Variants in NEDD4L observed in about 807,000 individuals in gnomAD.
NEDD4L encodes E3 ubiquitin-protein ligase NEDD4-like.
A neutral mutation model predicts 148.9 loss-of-function variants in NEDD4L; 54 were observed. That is an observed-to-expected ratio of 0.36 (90% confidence interval 0.29 to 0.45). The LOEUF is 0.45. NEDD4L is among the 20% of genes least tolerant of loss of function. The pLI, the probability that NEDD4L is intolerant of heterozygous loss-of-function variation, is 1.00. For missense variants in NEDD4L, 856 were observed against 1,233.8 expected, an observed-to-expected ratio of 0.69 and a Z score of 4.59; for synonymous variants, 433 against 440.7, an observed-to-expected ratio of 0.98 and a Z score of 0.22.
At chr18:58,240,303 G>A (rs1290010187) in intron 2 of NEDD4L, among the ~76,000 whole-genome samples, 2 of 152,136 alleles carry the variant, frequency 1.3e-5, no homozygotes, top group Non-Finnish European at 2.9e-5. Context: ...AGGAACCTGA[G>A]ATCCTTCAGG....
chr18:58,167,859 T>C (rs770875668), intron 2 of NEDD4L, among the ~76,000 whole-genome samples: 3 of 152,128 alleles, frequency 2.0e-5, no homozygotes, highest in Non-Finnish European at 4.4e-5. Flanking sequence ...ATTTAGAAAA[T>C]TTTGGTGATT....
At chr18:58,324,507 T>C (rs1261427272) in intron 8 of NEDD4L, among the ~76,000 whole-genome samples, 1 of 152,182 alleles carries the variant, frequency 6.6e-6, no homozygotes, top group Non-Finnish European at 1.5e-5. Flanking sequence ...GGGCCTCTGG[T>C]CCCCTGTGCC....
intron 18 of NEDD4L, among the ~76,000 whole-genome samples, chr18:58,356,849 T>C (rs1471781427): frequency 6.6e-6 from 1 of 152,216 alleles, no homozygotes; most frequent in Non-Finnish European, 1.5e-5. Context: ...AAATGCTTTT[T>C]TTCAACTAAA....
At chr18:58,205,864 GTA>G (rs1419121153) in intron 2 of NEDD4L, among the ~76,000 whole-genome samples, 1 of 151,968 alleles carries the variant, frequency 6.6e-6, no homozygotes, top group African/African-American at 2.4e-5. Context: ...TGGGTTGTCT[GTA>G]TATGTTCTGA....
intron 2 of NEDD4L, among the ~76,000 whole-genome samples, chr18:58,181,649 C>A (rs1275042760): frequency 6.6e-6 from 1 of 152,086 alleles, no homozygotes; most frequent in African/African-American, 2.4e-5. Context: ...ATTGCCCAGG[C>A]TGGTCTTGAA....
chr18:58,184,879 G>A (rs1410884841), intron 2 of NEDD4L, among the ~76,000 whole-genome samples: 1 of 151,758 alleles, frequency 6.6e-6, no homozygotes, highest in Non-Finnish European at 1.5e-5. Flanking sequence ...AGGGAGCCGA[G>A]ATGGCACCAC....
At chr18:58,315,274 A>C (rs977880762) in intron 5 of NEDD4L, among the ~76,000 whole-genome samples, 1 of 152,138 alleles carries the variant, frequency 6.6e-6, no homozygotes, top group South Asian at 2.1e-4. Context: ...GAGCTGAATC[A>C]TGACTTCCCA....
intron 1 of NEDD4L, among the ~76,000 whole-genome samples, chr18:58,098,450 T>C (rs1482247185): frequency 6.6e-6 from 1 of 152,192 alleles, no homozygotes; most frequent in African/African-American, 2.4e-5. Flanking sequence ...TGGAGCGCCA[T>C]GATACAGTGG....
chr18:58,096,830 C>T (rs1221923079), intron 1 of NEDD4L, among the ~76,000 whole-genome samples: 2 of 152,200 alleles, frequency 1.3e-5, no homozygotes, highest in Non-Finnish European at 2.9e-5. Context: ...TCCATCTGTC[C>T]TGAAGGCCCA....
intron 5 of NEDD4L, among the ~76,000 whole-genome samples, chr18:58,279,363 T>C (rs1021555853): frequency 2.0e-5 from 3 of 152,150 alleles, no homozygotes; most frequent in Non-Finnish European, 4.4e-5. Context: ...ATAAAAGCTA[T>C]GGATTCTCAG....
chr18:58,233,292 T>C (rs1467909556), intron 2 of NEDD4L, among the ~76,000 whole-genome samples: 1 of 152,208 alleles, frequency 6.6e-6, no homozygotes, highest in African/African-American at 2.4e-5. Flanking sequence ...GGTAAAGACA[T>C]ACCCAAGACT....
At chr18:58,213,475 T>C (rs904497432) in intron 2 of NEDD4L, among the ~76,000 whole-genome samples, 1 of 152,180 alleles carries the variant, frequency 6.6e-6, no homozygotes, top group African/African-American at 2.4e-5. Context: ...ATGTATAATA[T>C]CCAGTTCTAA....
chr18:58,206,372 T>C (rs2041989096), intron 2 of NEDD4L, among the ~76,000 whole-genome samples: 1 of 151,974 alleles, frequency 6.6e-6, no homozygotes, highest in Admixed American at 6.6e-5. Flanking sequence ...CTGGGTGACA[T>C]AGCGAGACTC....
intron 3 of NEDD4L, 107 bp downstream of exon 3, chr18:58,245,615 C>A: frequency 2.0e-6 from 1 of 497,440 alleles, no homozygotes; most frequent in Middle Eastern, 3.6e-4. Flanking sequence ...ACTACTTACA[C>A]AGTGATAGTC....
chr18:58,095,136 T>C (rs758396800), intron 1 of NEDD4L, among the ~76,000 whole-genome samples: 53 of 152,306 alleles, frequency 3.5e-4, no homozygotes, highest in Non-Finnish European at 5.4e-4. Context: ...TTTATTCCTA[T>C]GTTCTTTCCT....
intron 1 of NEDD4L, among the ~76,000 whole-genome samples, chr18:58,160,423 C>T (rs1006662927): frequency 6.6e-6 from 1 of 152,218 alleles, no homozygotes; most frequent in Non-Finnish European, 1.5e-5. Flanking sequence ...CCCCGTTACA[C>T]AATAACAATG....
chr18:58,381,684 G>T (rs1408324183), intron 24 of NEDD4L, among the ~76,000 whole-genome samples: 1 of 152,286 alleles, frequency 6.6e-6, no homozygotes, highest in Middle Eastern at 3.4e-3. Flanking sequence ...GAACAACAAG[G>T]CAGTCTGGGG....
intron 1 of NEDD4L, among the ~76,000 whole-genome samples, chr18:58,118,875 C>T (rs2086034106): frequency 6.6e-6 from 1 of 152,074 alleles, no homozygotes; most frequent in Non-Finnish European, 1.5e-5. Flanking sequence ...GCGCTGATTC[C>T]AGATCCTCTT....
intron 5 of NEDD4L, among the ~76,000 whole-genome samples, chr18:58,313,740 C>T (rs540468908): frequency 2.6e-5 from 4 of 152,366 alleles, no homozygotes; most frequent in African/African-American, 9.6e-5. Context: ...AGACTGGCTG[C>T]CAGCCATTAG....
Sources: allele counts gnomAD v4.1 joint callset (sites outside exome capture counted in the v4.1 genomes callset), GRCh38; gene constraint gnomAD v4.1.1; transcripts MANE v1.5; gene names NCBI Gene and HGNC (gene_info 2026-07-23, HGNC 2026-07-21).